The following STK17A variants were observed in gnomAD, a reference collection of about 807,000 sequenced individuals.
STK17A encodes serine/threonine-protein kinase 17A.
STK17A carries 26 observed loss-of-function variants against 43.7 expected under a neutral mutation model. That is an observed-to-expected ratio of 0.60 (90% confidence interval 0.44 to 0.83). The LOEUF (loss-of-function observed/expected upper bound fraction) is 0.83. Ranked by LOEUF, STK17A falls within the 40% of genes least tolerant of loss-of-function variation. STK17A has a pLI of 0.00. For synonymous variants in STK17A, 191 were observed against 182.5 expected, an observed-to-expected ratio of 1.05 and a Z score of -0.38; for missense variants, 476 against 511.6, an observed-to-expected ratio of 0.93 and a Z score of 0.67.
At chr7:43,588,337 T>C (rs1210309674) in intron 1 of STK17A, among the ~76,000 whole-genome samples, 1 of 151,560 alleles carries the variant, frequency 6.6e-6, no homozygotes, top group African/African-American at 2.4e-5. Flanking sequence ...AGATGAGGAA[T>C]CCCAGGTTCC....
chr7:43,610,894 A>G (rs2082811495), intron 3 of STK17A, among the ~76,000 whole-genome samples: 1 of 152,178 alleles, frequency 6.6e-6, no homozygotes, highest in Non-Finnish European at 1.5e-5. Context: ...AGGAGGGCAG[A>G]TCGCTTGAGG....
At chr7:43,594,684 A>G (rs964997932) in intron 1 of STK17A, among the ~76,000 whole-genome samples, 1 of 152,182 alleles carries the variant, frequency 6.6e-6, no homozygotes, top group Non-Finnish European at 1.5e-5. Flanking sequence ...GGCAAGTACC[A>G]TGCTAAGCAA....
chr7:43,624,501 A>T lies in STK17A; in HGVS notation c.921-17A>T, dbSNP rs750914574. On this transcript the variant is annotated splice_polypyrimidine_tract_variant and intron_variant, in intron 6 of 6. Transcript: ENST00000319357. ...AAGTTCTAACATGTCTTAACTGTAAAACATGTATCTTTACAGAGATCGAGC... is the reference window on the plus strand; with the variant it reads ...AAGTTCTAACATGTCTTAACTGTAATACATGTATCTTTACAGAGATCGAGC... The T allele has an allele frequency of 1.9e-6, 3 of 1,586,674 alleles. No individual in the cohort carries two copies. Among genetic ancestry groups the T allele is most frequent in the Non-Finnish European group, 2.6e-6 (3 of 1,165,908 alleles).
rs760537161 is a variant in STK17A at position 43,583,287 on chromosome 7, G to A, written c.44G>A (p.Gly15Asp). 2.6e-6 allele frequency: 4 copies of A among 1,542,860 alleles called. No homozygotes were observed. The Admixed American group carries it at 6.0e-5, about 23-fold the overall frequency. The change falls in exon 1 of 7, where the codon GGC becomes GAC. Residue 15 changes from glycine (G) to aspartate (D), a missense_variant. By Grantham distance (94) the Gly-to-Asp change is moderately conservative. This residue lies in a region of STK17A where 320 missense variants were observed against 326.3 expected (regional missense o/e 0.98). Transcript: ENST00000319357. ...CCAGGCAGCGGCGGCTCCTCCCCAG[G>A]CGCCACCTCAGGCTCGGGCCGGGCA... ...EKPGSGGSSP[G>D]ATSGSGRAGR...
intron 2 of STK17A, 85 bp downstream of exon 2, chr7:43,596,198 A>G: frequency 7.9e-7 from 1 of 1,270,958 alleles, no homozygotes; most frequent in Non-Finnish European, 1.1e-6. Context: ...TAATGTTGCC[A>G]GGCCTGGTTC....
chr7:43,621,711 T>C (rs983480584), intron 4 of STK17A, among the ~76,000 whole-genome samples: 2 of 152,150 alleles, frequency 1.3e-5, no homozygotes, highest in Non-Finnish European at 2.9e-5. Flanking sequence ...AGCTTTCTGT[T>C]CCTTAGTAAA....
chr7:43,593,524 T>C (rs888055533), intron 1 of STK17A, among the ~76,000 whole-genome samples: 3 of 152,244 alleles, frequency 2.0e-5, no homozygotes, highest in African/African-American at 7.2e-5. Flanking sequence ...TTCCCTTTTC[T>C]TTGTATGTTC....
At chr7:43,614,144 C>A (rs62461076) in intron 3 of STK17A, among the ~76,000 whole-genome samples, 20,123 of 152,184 alleles carry the variant, frequency 0.13, 1,675 homozygotes, top group Admixed American at 0.27. Flanking sequence ...CTCAACTTTA[C>A]AATGATCTTA....
chr7:43,589,063 A>G (rs1012622898), intron 1 of STK17A, among the ~76,000 whole-genome samples: 1 of 151,600 alleles, frequency 6.6e-6, no homozygotes, highest in African/African-American at 2.4e-5. Flanking sequence ...GCCATTGTCA[A>G]TAAAACAGCA....
chr7:43,615,823 A>G (rs989075650), intron 3 of STK17A, among the ~76,000 whole-genome samples: 12 of 151,648 alleles, frequency 7.9e-5, no homozygotes, highest in Non-Finnish European at 1.3e-4. Flanking sequence ...GCTTACTCCA[A>G]CCCCTCCAGG....
Position 43,624,711 on chromosome 7 carries a change from G to T in STK17A, c.1114G>T (p.Val372Leu). The change falls in exon 7 of 7, where the codon GTA becomes TTA. Residue 372 changes from valine to leucine, a missense_variant. Val to Leu is a conservative substitution (Grantham distance 32). Around this residue, in one of 3 missense-constraint regions of STK17A, gnomAD observed 110 missense variants for 103.7 expected, o/e 1.06. Coordinates refer to ENST00000319357, the MANE Select transcript of STK17A (RefSeq NM_004760.3). Reference sequence around the variant, plus strand: ...ATCCATTGTAACCGAAGAGTTAATTGTAGTTACTTCATATACTCTAGGACA... The same window carrying T: ...ATCCATTGTAACCGAAGAGTTAATTTTAGTTACTTCATATACTCTAGGACA... ...KESIVTEELI[V>L]VTSYTLGQCR... 1 of 1,614,064 alleles carries T rather than the reference G, an allele frequency of 6.2e-7. No individual in the cohort carries two copies. Among genetic ancestry groups the T allele is most frequent in the Non-Finnish European group, 8.5e-7 (1 of 1,179,974 alleles).
chr7:43,591,411 CA>C, intron 1 of STK17A, among the ~76,000 whole-genome samples: 1 of 151,638 alleles, frequency 6.6e-6, no homozygotes, highest in East Asian at 1.9e-4. Flanking sequence ...TTTTGTTCTG[CA>C]ACAGTGGACT....
At chr7:43,605,616 A>G (rs995627846) in intron 2 of STK17A, among the ~76,000 whole-genome samples, 2 of 151,626 alleles carry the variant, frequency 1.3e-5, no homozygotes, top group African/African-American at 4.9e-5. Context: ...AGCCTTGCCA[A>G]ACTCCCAGTC....
intron 2 of STK17A, among the ~76,000 whole-genome samples, chr7:43,604,840 A>G (rs2082577809): frequency 6.6e-6 from 1 of 152,018 alleles, no homozygotes; most frequent in South Asian, 2.1e-4. Flanking sequence ...TGTCCCATAG[A>G]TCCCTGGGGT....
chr7:43,604,002 A>G lies in STK17A; in HGVS notation c.420-4254A>G, dbSNP rs146337687. On this transcript the variant is annotated intron_variant, in intron 2 of 6. Transcript: ENST00000319357. ...TGGTCCCAAACATTTAAGAGAAGGG[A>G]TATTTGGCCTATAAATGATTGCAGC... Among the ~76,000 whole-genome samples the G allele has an allele frequency of 3.9e-3, 595 of 152,286 alleles. 1 individual carries two copies. The highest frequency in any genetic ancestry group is 7.2e-3 in the Admixed American group (110 of 15,290).
chr7:43,623,436 T>C, intron 4 of STK17A, 136 bp from the exon 5 acceptor site: 1 of 690,896 alleles, frequency 1.4e-6, no homozygotes, highest in Admixed American at 3.0e-5. Flanking sequence ...TTCATATTAA[T>C]TTATGGTAAC....
At chr7:43,608,741 G>T in intron 3 of STK17A, 1 of 169,696 alleles carries the variant, frequency 5.9e-6, no homozygotes, top group Non-Finnish European at 1.2e-5. Context: ...TTTGTGATGT[G>T]TTTGGGAAAA....
At chr7:43,584,814 G>C (rs541538680) in intron 1 of STK17A, among the ~76,000 whole-genome samples, 15 of 152,190 alleles carry the variant, frequency 9.9e-5, no homozygotes, top group Non-Finnish European at 2.2e-4. Context: ...TGCATACTTT[G>C]TGACAAAAGA....
At chr7:43,621,563 C>T (rs1030165449) in intron 4 of STK17A, among the ~76,000 whole-genome samples, 1 of 152,066 alleles carries the variant, frequency 6.6e-6, no homozygotes, top group Non-Finnish European at 1.5e-5. Context: ...CTGCAGCTCC[C>T]AACTTGAGCT....
Sources: allele counts gnomAD v4.1 joint callset (sites outside exome capture counted in the v4.1 genomes callset), GRCh38; gene constraint gnomAD v4.1.1; regional missense constraint gnomAD v4.1.1; transcripts MANE v1.5; gene names NCBI Gene and HGNC (gene_info 2026-07-23, HGNC 2026-07-21).